AIM2: variants seen among roughly 807,000 people sequenced by gnomAD.
The protein encoded by AIM2 is absent in melanoma 2.
AIM2 carries 30 observed loss-of-function variants against 27.7 expected under a neutral mutation model. The ratio of observed to expected loss-of-function variants is 1.08; its 90% CI spans 0.81 to 1.47. The LOEUF (loss-of-function observed/expected upper bound fraction) is 1.47. AIM2 is among the 40% of genes most tolerant of loss of function. The pLI is 0.00. For synonymous variants in AIM2, 141 were observed against 145.3 expected, an observed-to-expected ratio of 0.97 and a Z score of 0.21; for missense variants, 358 against 411.3, an observed-to-expected ratio of 0.87 and a Z score of 1.12.
intron 1 of AIM2, among the ~76,000 whole-genome samples, chr1:159,131,230 A>T (rs1490850588): frequency 2.0e-5 from 3 of 152,202 alleles, no homozygotes. Flanking sequence ...CACAGCAGGC[A>T]CTTCATAAAG....
chr1:159,076,205 C>G (rs780754788), intron 1 of AIM2, among the ~76,000 whole-genome samples: 4 of 152,194 alleles, frequency 2.6e-5, no homozygotes, highest in Non-Finnish European at 4.4e-5. Context: ...CCATAAGAAG[C>G]TAATCTTCCT....
chr1:159,058,963 G>A (rs1233198356), downstream of AIM2, among the ~76,000 whole-genome samples: 1 of 152,102 alleles, frequency 6.6e-6, no homozygotes, highest in Non-Finnish European at 1.5e-5. Context: ...TGCAAATGGC[G>A]CAAACTTCTG....
In AIM2 at chr1:159,067,331, T is replaced by C. The variant is rs563169987; in HGVS notation, c.397-1002A>G. ...ATTAACAGAGATAAGACACCTCTTT[T>C]TGGTTTGTTTTGGGAGAAAATACTA... On this transcript the variant is annotated intron_variant, in intron 3 of 5. Coordinates refer to ENST00000368130, the MANE Select transcript of AIM2 (RefSeq NM_004833.3). Among the ~76,000 whole-genome samples the C allele has an allele frequency of 1.3e-3, 196 of 152,356 alleles. 1 individual carries two copies. Among genetic ancestry groups the C allele is most frequent in the African/African-American group, 4.6e-3 (191 of 41,576 alleles).
rs1433149775 is a variant in AIM2 at position 159,075,605 on chromosome 1, T to TAG, written c.-21+1027_-21+1028insCT. On this transcript the variant is annotated intron_variant, in intron 1 of 5. Coordinates refer to ENST00000368130, the MANE Select transcript of AIM2 (RefSeq NM_004833.3). ...TATATGGCTATACCTGCTATATATA[T>TAG]ATATATAGAGAGAGAGAGAGAGAGA... is the stretch of plus-strand genomic sequence containing the variant. Among the ~76,000 whole-genome samples, 1,051 of 150,464 alleles carry TAG rather than the reference T, an allele frequency of 7.0e-3. 9 individuals carry two copies. Among genetic ancestry groups the TAG allele is most frequent in the African/African-American group, 0.024 (984 of 40,650 alleles).
At chr1:159,126,881 G>T (rs1484979399) in intron 1 of AIM2, among the ~76,000 whole-genome samples, 1 of 152,088 alleles carries the variant, frequency 6.6e-6, no homozygotes, top group Non-Finnish European at 1.5e-5. Flanking sequence ...AATACATTGT[G>T]TTATACTCAC....
intron 1 of AIM2, 77 bp from the exon 2 acceptor site, chr1:159,073,596 T>G: frequency 7.3e-7 from 1 of 1,364,262 alleles, no homozygotes; most frequent in Non-Finnish European, 9.9e-7. Flanking sequence ...GGTGAGCTAT[T>G]AATATTTTTT....
rs191837739 is a variant in AIM2, at chr1:159,064,755, G to A, written c.817-1081C>T. ...GCTAGGATTACAGGCATGAGCTGCC[G>A]CGCCCAGCCTGAAGAGAGCTATTTA... On this transcript the variant is annotated intron_variant, in intron 4 of 5. Coordinates refer to ENST00000368130, the MANE Select transcript of AIM2 (RefSeq NM_004833.3). 4.4e-3 allele frequency among the ~76,000 whole-genome samples: 667 copies of A among 152,258 alleles called. 5 individuals carry two copies. The highest frequency in any genetic ancestry group is 0.015 in the African/African-American group (642 of 41,530).
chr1:159,068,712 A>C lies in AIM2; in HGVS notation c.263-11T>G, dbSNP rs376951341. The C allele has an allele frequency of 1.9e-5, 30 of 1,612,714 alleles. No homozygotes were observed. The African/African-American group carries it at 3.5e-4, about 19-fold the overall frequency. ...TGTATTGCTTATCAACTGATTAAAAAATGAAAGACATGGCCAATAAGCATA... is the reference window on the plus strand; with the variant it reads ...TGTATTGCTTATCAACTGATTAAAACATGAAAGACATGGCCAATAAGCATA... On this transcript the variant is annotated splice_polypyrimidine_tract_variant and intron_variant, in intron 2 of 5. Coordinates refer to ENST00000368130, the MANE Select transcript of AIM2 (RefSeq NM_004833.3).
chr1:159,091,579 C>T (rs928848853), intron 1 of AIM2, among the ~76,000 whole-genome samples: 2 of 152,192 alleles, frequency 1.3e-5, no homozygotes, highest in Admixed American at 1.3e-4. Flanking sequence ...AAAGTGCAAT[C>T]GTTACATTAT....
At position 159,066,121 on chromosome 1, in the gene AIM2, A is replaced by G; in HGVS notation, c.605T>C (p.Ile202Thr). The G allele has an allele frequency of 1.2e-6, 2 of 1,614,226 alleles. No homozygotes were observed. Among genetic ancestry groups the G allele is most frequent in the Non-Finnish European group, 1.7e-6 (2 of 1,180,020 alleles). ...TGCTATTATAATTATTCTCTTTGGA[A>G]TGAATTTATCTTTCAGCAGTGTATT... ...VFNTLLKDKFIPKRIIIIARY... is the reference protein window; with the variant it reads ...VFNTLLKDKFTPKRIIIIARY... The change falls in exon 4 of 6, where the codon ATT (isoleucine) becomes ACT (threonine). Residue 202 changes from isoleucine (I) to threonine (T), a missense_variant. Physicochemically the swap from Ile to Thr is moderately conservative, Grantham distance 89. Transcript: ENST00000368130.
intron 1 of AIM2, among the ~76,000 whole-genome samples, chr1:159,129,955 C>T (rs1647822135): frequency 6.6e-6 from 1 of 152,218 alleles, no homozygotes; most frequent in African/African-American, 2.4e-5. Context: ...CTTCTCCTTC[C>T]TCACTTCTCA....
chr1:159,119,849 CCT>C (rs201067765), intron 1 of AIM2, among the ~76,000 whole-genome samples: 3 of 149,106 alleles, frequency 2.0e-5, no homozygotes, highest in Non-Finnish European at 2.9e-5. Flanking sequence ...TTTCCCTATC[CCT>C]CTCTCTTTTT....
chr1:159,144,244 A>C (rs1648165260), upstream of AIM2, among the ~76,000 whole-genome samples: 1 of 151,208 alleles, frequency 6.6e-6, no homozygotes. Context: ...TCCTCTCACC[A>C]CTCCACAGAC....
chr1:159,073,065 A>C (rs1656432793), intron 2 of AIM2, among the ~76,000 whole-genome samples, 173 bp downstream of exon 2: 1 of 152,232 alleles, frequency 6.6e-6, no homozygotes, highest in South Asian at 2.1e-4. Flanking sequence ...AATTTGTAAC[A>C]AACACTTCCT....
intron 1 of AIM2, among the ~76,000 whole-genome samples, chr1:159,129,203 A>G (rs1423356743): frequency 6.6e-6 from 1 of 152,198 alleles, no homozygotes; most frequent in Non-Finnish European, 1.5e-5. Context: ...AGAGTTTGGA[A>G]GTATGCAGAC....
intron 1 of AIM2, among the ~76,000 whole-genome samples, chr1:159,084,999 C>G (rs1485475552): frequency 6.6e-6 from 1 of 152,132 alleles, no homozygotes; most frequent in Admixed American, 6.6e-5. Flanking sequence ...GTTTCTGCTC[C>G]CTAAACATAT....
intron 1 of AIM2, among the ~76,000 whole-genome samples, chr1:159,116,737 G>A (rs1647362212): frequency 6.6e-6 from 1 of 151,890 alleles, no homozygotes; most frequent in Admixed American, 6.6e-5. Context: ...AATGTTAAAT[G>A]ACGAGTTACT....
intron 1 of AIM2, among the ~76,000 whole-genome samples, chr1:159,089,878 A>G (rs190353498): frequency 1.1e-3 from 162 of 152,302 alleles, no homozygotes; most frequent in African/African-American, 3.7e-3. Flanking sequence ...ACTGGACCCT[A>G]GACCCTTCAA....
At chr1:159,075,836 C>G (rs187922609) in intron 1 of AIM2, among the ~76,000 whole-genome samples, 149 of 152,160 alleles carry the variant, frequency 9.8e-4, no homozygotes, top group Admixed American at 1.9e-3. Context: ...AGCCAAAGAA[C>G]AGGAAAAGAT....
Sources: allele counts gnomAD v4.1 joint callset (sites outside exome capture counted in the v4.1 genomes callset), GRCh38; gene constraint gnomAD v4.1.1; transcripts MANE v1.5; gene names NCBI Gene and HGNC (gene_info 2026-07-23, HGNC 2026-07-21).